The following DHX16 variants were observed in gnomAD, a reference collection of about 807,000 sequenced individuals.
DHX16 encodes DEAH-box helicase 16, also known as pre-mRNA-splicing factor ATP-dependent RNA helicase DHX16.
A neutral mutation model predicts 131.2 loss-of-function variants in DHX16; 81 were observed. The observed-to-expected ratio is 0.62, with a 90% CI of 0.52 to 0.74. The LOEUF is 0.74. DHX16 is among the 30% of genes least tolerant of loss of function. DHX16 has a pLI of 0.00. For synonymous variants in DHX16, 440 were observed against 520.2 expected, an observed-to-expected ratio of 0.85 and a Z score of 2.10; for missense variants, 980 against 1,363.1, an observed-to-expected ratio of 0.72 and a Z score of 4.43.
chr6:30,656,901 T>C lies in DHX16; in HGVS notation c.2148+51A>G. On this transcript the variant is annotated intron_variant, in intron 13 of 19. Transcript: ENST00000376442. This position sits in a 1 kb window ranked among gnomAD's most constrained non-coding sequence, Gnocchi z 5.1. ...CCCACCCTGCTTCTGAGTTGGACCT[T>C]CTCTGTGGGCCAACTCCACCTCCCC... 3 of 1,595,384 alleles carry C rather than the reference T, an allele frequency of 1.9e-6. No homozygotes were observed. The highest frequency in any genetic ancestry group is 2.6e-6 in the Non-Finnish European group (3 of 1,169,996).
intron 19 of DHX16, among the ~76,000 whole-genome samples, chr6:30,654,224 A>T (rs936500320): frequency 6.6e-6 from 1 of 152,192 alleles, no homozygotes; most frequent in Non-Finnish European, 1.5e-5. Flanking sequence ...TATTTATTGA[A>T]TAAGTGTCTA....
intron 16 of DHX16, 142 bp from the exon 17 acceptor site, chr6:30,655,739 G>A (rs573853220): frequency 3.3e-6 from 3 of 906,426 alleles, no homozygotes; most frequent in Admixed American, 5.1e-5. Context: ...GCAGCCAGCA[G>A]ATAGATTCTG....
At chr6:30,661,019 T>TC (rs1475684770) in intron 9 of DHX16, among the ~76,000 whole-genome samples, 1 of 150,226 alleles carries the variant, frequency 6.7e-6, no homozygotes, top group East Asian at 2.0e-4. Context: ...TGCCTCAGCC[T>TC]CCCAAGTAGC....
chr6:30,663,980 G>A lies in DHX16; in HGVS notation c.1317+821C>T, dbSNP rs537034615. Among the ~76,000 whole-genome samples the A allele has an allele frequency of 8.3e-4, 124 of 149,484 alleles. 1 individual carries two copies. The highest frequency in any genetic ancestry group is 2.6e-3 in the African/African-American group (105 of 40,408). ...GTGGAGGTTGCAGTGAGTCAAGATC[G>A]CGCCACTGCACTCCAGCCTGGTGAC... On this transcript the variant is annotated intron_variant, in intron 7 of 19. Coordinates refer to ENST00000376442, the MANE Select transcript of DHX16 (RefSeq NM_003587.5).
At position 30,657,137 on chromosome 6, in the gene DHX16, G is replaced by C. The variant is rs1371886778; in HGVS notation, c.2008-45C>G. On this transcript the variant is annotated intron_variant, in intron 12 of 19. Coordinates refer to ENST00000376442, the MANE Select transcript of DHX16 (RefSeq NM_003587.5). Reference sequence around the variant, plus strand: ...GTCACCCAGTGACCCCACCTACCTAGTTACCCAGAAAAAGTAATCTTGGAA... The same window carrying C: ...GTCACCCAGTGACCCCACCTACCTACTTACCCAGAAAAAGTAATCTTGGAA... 8 of 1,568,166 alleles carry C rather than the reference G, an allele frequency of 5.1e-6. No individual in the cohort carries two copies. The East Asian group carries it at 1.6e-4, about 31-fold the overall frequency.
intron 7 of DHX16, among the ~76,000 whole-genome samples, chr6:30,663,739 A>T (rs1768741964): frequency 6.9e-6 from 1 of 143,886 alleles, no homozygotes; most frequent in Non-Finnish European, 1.5e-5. Flanking sequence ...AAAAAAAAAA[A>T]TTTCAGGCCA....
chr6:30,657,124 C>G, intron 12 of DHX16, 32 bp from the exon 13 acceptor site: 2 of 1,584,302 alleles, frequency 1.3e-6, no homozygotes, highest in Middle Eastern at 1.7e-4. Flanking sequence ...CACCCAGTGA[C>G]CCCACCTACC....
At chr6:30,659,362 G>T in intron 12 of DHX16, 110 bp downstream of exon 12, 1 of 1,200,362 alleles carries the variant, frequency 8.3e-7, no homozygotes, top group Non-Finnish European at 1.2e-6. Flanking sequence ...CTGCTCCTCA[G>T]CTGTGTGCAG....
Position 30,665,716 on chromosome 6 carries a change from C to G in DHX16, c.684G>C (p.Lys228Asn). The change falls in exon 5 of 20, where the codon AAG becomes AAC. Residue 228 changes from lysine to asparagine, a missense_variant. This residue lies in a region of DHX16 where 457 missense variants were observed against 554.8 expected (regional missense o/e 0.82). Coordinates refer to ENST00000376442, the MANE Select transcript of DHX16 (RefSeq NM_003587.5). This position sits in a 1 kb window ranked among gnomAD's most constrained non-coding sequence, Gnocchi z 4.8. ...TAGCCAGGTACTCTCGGCGAGATTT[C>G]TTCCGCAGCTCAGGGACCTGAGTTG... is the stretch of plus-strand genomic sequence containing the variant. ...DRKAMVPELR[K>N]KSRREYLAKR... 2 of 1,610,298 alleles carry G rather than the reference C, an allele frequency of 1.2e-6. No homozygotes were observed. Among genetic ancestry groups the G allele is most frequent in the Non-Finnish European group, 1.7e-6 (2 of 1,179,988 alleles).
chr6:30,656,172 G>C lies in DHX16; in HGVS notation c.2498+26C>G, dbSNP rs1767960712. 1.2e-6 allele frequency: 2 copies of C among 1,610,524 alleles called. No homozygotes were observed. Among genetic ancestry groups the C allele is most frequent in the Non-Finnish European group, 1.7e-6 (2 of 1,179,150 alleles). On this transcript the variant is annotated intron_variant, in intron 16 of 19. Transcript: ENST00000376442. The surrounding 1 kb of genome is among the most constrained non-coding windows in gnomAD (Gnocchi z 5.1). ...GAGGCCTGGCCTGTTTGTGTGCTGG[G>C]GGCCCAGGTGGAGGCGAGGGCTTAC...
rs925048276 is a variant in DHX16 at position 30,662,192 on chromosome 6, G to A, written c.1544+435C>T. ...CCACTCTGAGGGTTACTCAGCCATTGGTATTGAGTTGGAATCTGTCTCCCT... is the reference window on the plus strand; with the variant it reads ...CCACTCTGAGGGTTACTCAGCCATTAGTATTGAGTTGGAATCTGTCTCCCT... On this transcript the variant is annotated intron_variant, in intron 9 of 19. Transcript: ENST00000376442. The surrounding 1 kb of genome is among the most constrained non-coding windows in gnomAD (Gnocchi z 4.7). Among the ~76,000 whole-genome samples, 11 of 152,130 alleles carry A rather than the reference G, an allele frequency of 7.2e-5. No individual in the cohort carries two copies. Among genetic ancestry groups the A allele is most frequent in the Non-Finnish European group, 1.6e-4 (11 of 68,008 alleles).
rs1274607690 is a variant in DHX16 at position 30,665,444 on chromosome 6, G to A, written c.921+35C>T. On this transcript the variant is annotated intron_variant, in intron 5 of 19. Coordinates refer to ENST00000376442, the MANE Select transcript of DHX16 (RefSeq NM_003587.5). This position sits in a 1 kb window ranked among gnomAD's most constrained non-coding sequence, Gnocchi z 4.8. ...AAGCCTTCCCCACAACTTGTCTTGG[G>A]GACCAAGGCTGAAGCAGACGCCGCT... 1.3e-6 allele frequency: 2 copies of A among 1,598,482 alleles called. No individual in the cohort carries two copies. Among genetic ancestry groups the A allele is most frequent in the Middle Eastern group, 1.7e-4 (1 of 6,004 alleles).
Position 30,656,942 on chromosome 6 carries a change from C to T in DHX16, c.2148+10G>A. 1 of 1,610,006 alleles carries T rather than the reference C, an allele frequency of 6.2e-7. No homozygotes were observed. Among genetic ancestry groups the T allele is most frequent in the Non-Finnish European group, 8.5e-7 (1 of 1,178,250 alleles). On this transcript the variant is annotated intron_variant, in intron 13 of 19. Coordinates refer to ENST00000376442, the MANE Select transcript of DHX16 (RefSeq NM_003587.5). This position sits in a 1 kb window ranked among gnomAD's most constrained non-coding sequence, Gnocchi z 5.1. ...CCACCTCCCCCACTCCCATGCATCC[C>T]CAGGCTGACCTTGCTGCAGGGTGTG...
At chr6:30,672,165 AG>A (rs1173204127) in intron 1 of DHX16, among the ~76,000 whole-genome samples, 3 of 151,694 alleles carry the variant, frequency 2.0e-5, no homozygotes, top group East Asian at 2.0e-4. Context: ...TAAAAATAAA[AG>A]ATATTAGCCG....
intron 19 of DHX16, 144 bp downstream of exon 19, chr6:30,654,562 A>G (rs534229281): frequency 2.5e-5 from 22 of 877,388 alleles, no homozygotes; most frequent in Admixed American, 6.5e-5. Flanking sequence ...AAAAAACAAA[A>G]AAAAACAAAG....
At position 30,665,086 on chromosome 6, in the gene DHX16, C is replaced by G. The variant is rs149565043; in HGVS notation, c.1110G>C (p.Gln370His). ...CCCCTCTTACCTCATCACCCTGGAG[C>G]TGAGTGGCCCGGACAAACTCAATGG... is the stretch of plus-strand genomic sequence containing the variant. Reference protein sequence around the residue: ...EETIEFVRATQLQGDEEPSAP... With the variant: ...EETIEFVRATHLQGDEEPSAP... The change falls in exon 6 of 20, where the codon CAG becomes CAC. Residue 370 changes from glutamine to histidine, a missense_variant. By Grantham distance (24) the Gln-to-His change is conservative. This residue lies in a region of DHX16 where 457 missense variants were observed against 554.8 expected (regional missense o/e 0.82). Transcript: ENST00000376442. The surrounding 1 kb of genome is among the most constrained non-coding windows in gnomAD (Gnocchi z 4.8). 1 of 1,613,954 alleles carries G rather than the reference C, an allele frequency of 6.2e-7. No homozygotes were observed. Among genetic ancestry groups the G allele is most frequent in the African/African-American group, 1.3e-5 (1 of 74,892 alleles).
At chr6:30,660,008 A>C (rs1283022704) in intron 10 of DHX16, 24 bp downstream of exon 10, 1 of 1,610,194 alleles carries the variant, frequency 6.2e-7, no homozygotes, top group Non-Finnish European at 8.5e-7. Flanking sequence ...CACAGACTTA[A>C]GCCCATCCTC....
Position 30,654,766 on chromosome 6 carries a change from T to C in DHX16, c.2937A>G (p.Gln979=), listed in dbSNP as rs199948636. The C allele has an allele frequency of 1.2e-6, 2 of 1,612,858 alleles. No homozygotes were observed. Among genetic ancestry groups the C allele is most frequent in the African/African-American group, 2.7e-5 (2 of 74,920 alleles). The stretch of plus-strand genomic sequence containing the variant: ...CGTGGTAGAGCAGCCAGCGTGGCTG[T>C]TGCTCAAAGAGGGAGGAGTTGGGAT... ...FIHPNSSLFE[Q]QPRWLLYHEL... Residue 979 remains glutamine, a synonymous_variant, in exon 19 of 20, where the codon CAA becomes CAG. Transcript: ENST00000376442.
Position 30,665,847 on chromosome 6 carries a change from G to A in DHX16, c.667-114C>T. 2.2e-6 allele frequency: 3 copies of A among 1,359,274 alleles called. No homozygotes were observed. Among genetic ancestry groups the A allele is most frequent in the Non-Finnish European group, 3.0e-6 (3 of 1,010,350 alleles). The allele number at this position is 1,359,274 out of a possible 1,614,324, so 84.2% of individuals were successfully genotyped here. A position where few individuals can be genotyped will look rare whatever the true frequency, so the allele number is the denominator to read the frequency against. On this transcript the variant is annotated intron_variant, in intron 4 of 19. Coordinates refer to ENST00000376442, the MANE Select transcript of DHX16 (RefSeq NM_003587.5). The surrounding 1 kb of genome is among the most constrained non-coding windows in gnomAD (Gnocchi z 4.8). Reference sequence around the variant, plus strand: ...CAGGCAGGCATGAGAACCTCAGGATGCACCCTCTACCTTCCCTCTGCAATG... The same window carrying A: ...CAGGCAGGCATGAGAACCTCAGGATACACCCTCTACCTTCCCTCTGCAATG...
Sources: allele counts gnomAD v4.1 joint callset (sites outside exome capture counted in the v4.1 genomes callset), GRCh38; gene constraint gnomAD v4.1.1; regional missense constraint gnomAD v4.1.1; non-coding constraint Gnocchi (gnomAD v3.1); transcripts MANE v1.5; gene names NCBI Gene and HGNC (gene_info 2026-07-23, HGNC 2026-07-21).